SETBP1: variants seen among roughly 807,000 people sequenced by gnomAD.
SETBP1 encodes the protein SET binding protein 1, also known as SET-binding protein.
A neutral mutation model predicts 101.0 loss-of-function variants in SETBP1; 9 were observed. The ratio of observed to expected loss-of-function variants is 0.09; its 90% CI spans 0.05 to 0.16. The LOEUF is 0.16. Among genes scored for constraint, SETBP1 ranks in the 10% least tolerant of loss-of-function variants. The pLI is 1.00. For missense variants in SETBP1, 1,858 were observed against 2,033.8 expected (o/e 0.91, Z 1.66); for synonymous variants, 818 against 788.5 (o/e 1.04, Z -0.63).
At chr18:44,764,535 C>T (rs1227319124) in intron 2 of SETBP1, among the ~76,000 whole-genome samples, 2 of 151,974 alleles carry the variant, frequency 1.3e-5, no homozygotes, top group Non-Finnish European at 2.9e-5. Flanking sequence ...TGCAGTGGTG[C>T]GATCTCGGCT....
At chr18:44,958,019 C>A (rs2071529159) in intron 4 of SETBP1, among the ~76,000 whole-genome samples, 1 of 152,204 alleles carries the variant, frequency 6.6e-6, no homozygotes, top group Non-Finnish European at 1.5e-5. Context: ...CTGTCCAAAT[C>A]TTATCTCTCA....
chr18:45,022,494 T>C (rs917475215), intron 4 of SETBP1, among the ~76,000 whole-genome samples: 3 of 152,190 alleles, frequency 2.0e-5, no homozygotes, highest in African/African-American at 7.2e-5. Context: ...TAGTCATGGC[T>C]CTTACACCTG....
intron 4 of SETBP1, among the ~76,000 whole-genome samples, chr18:44,972,430 G>T (rs1172750442): frequency 6.6e-6 from 1 of 152,184 alleles, no homozygotes; most frequent in Non-Finnish European, 1.5e-5. Context: ...TTGGTAGCTT[G>T]AGGAGGATGG....
At chr18:44,736,251 C>T (rs1444883577) in intron 2 of SETBP1, among the ~76,000 whole-genome samples, 6 of 152,134 alleles carry the variant, frequency 3.9e-5, no homozygotes, top group South Asian at 2.1e-4. Flanking sequence ...TGGTGGTGCA[C>T]GTCTGTCATC....
chr18:44,757,217 T>A (rs533148870), intron 2 of SETBP1, among the ~76,000 whole-genome samples: 1 of 152,306 alleles, frequency 6.6e-6, no homozygotes, highest in South Asian at 2.1e-4. Context: ...CCACTCCCCC[T>A]CTGCCCTGAA....
intron 3 of SETBP1, among the ~76,000 whole-genome samples, chr18:44,886,569 G>C (rs2069652876): frequency 6.6e-6 from 1 of 151,856 alleles, no homozygotes; most frequent in African/African-American, 2.4e-5. Context: ...AAAAAGCAAT[G>C]TTTAAAATTT....
At chr18:44,836,908 T>TAGGGATG (rs2072508184) in intron 2 of SETBP1, among the ~76,000 whole-genome samples, 1 of 152,226 alleles carries the variant, frequency 6.6e-6, no homozygotes, top group African/African-American at 2.4e-5. Context: ...TGGGGCCCTG[T>TAGGGATG]CACTTACATC....
intron 4 of SETBP1, among the ~76,000 whole-genome samples, chr18:45,036,046 A>C (rs1210804149): frequency 6.6e-6 from 1 of 152,218 alleles, no homozygotes; most frequent in African/African-American, 2.4e-5. Context: ...AAGAAGGCTA[A>C]GAAGTGGCCA....
intron 2 of SETBP1, among the ~76,000 whole-genome samples, chr18:44,779,934 GCACA>G (rs573738760): frequency 8.7e-5 from 13 of 150,218 alleles, no homozygotes; most frequent in African/African-American, 2.0e-4. Flanking sequence ...ACACACGCAC[GCACA>G]CACACACGCA....
chr18:44,685,642 T>C (rs543398092), intron 1 of SETBP1, among the ~76,000 whole-genome samples: 8 of 152,334 alleles, frequency 5.3e-5, no homozygotes, highest in Non-Finnish European at 1.2e-4. Context: ...TTACCCTGCC[T>C]ACTTCACGGG....
intron 3 of SETBP1, among the ~76,000 whole-genome samples, chr18:44,892,124 G>C (rs1445535014): frequency 1.3e-5 from 2 of 152,150 alleles, no homozygotes; most frequent in Non-Finnish European, 2.9e-5. Flanking sequence ...GGGCATGAGA[G>C]GAGGAGTGAG....
At chr18:44,698,542 C>G (rs750111329) in intron 1 of SETBP1, among the ~76,000 whole-genome samples, 10 of 152,280 alleles carry the variant, frequency 6.6e-5, no homozygotes, top group Admixed American at 2.6e-4. Context: ...AGGACGTGGC[C>G]TCACGTCTTC....
At chr18:44,826,757 G>A (rs1210527901) in intron 2 of SETBP1, among the ~76,000 whole-genome samples, 6 of 152,162 alleles carry the variant, frequency 3.9e-5, no homozygotes, top group African/African-American at 1.4e-4. Flanking sequence ...AAGGAGCTGC[G>A]GGTGGGGAGG....
intron 3 of SETBP1, among the ~76,000 whole-genome samples, chr18:44,881,945 C>T (rs1159332670): frequency 6.6e-6 from 1 of 152,112 alleles, no homozygotes; most frequent in Non-Finnish European, 1.5e-5. Context: ...GTTGGAGTGT[C>T]GGACGGATAA....
chr18:45,056,291 G>A (rs1332744095), intron 5 of SETBP1, among the ~76,000 whole-genome samples: 1 of 152,090 alleles, frequency 6.6e-6, no homozygotes, highest in Non-Finnish European at 1.5e-5. Context: ...CGTGTGGGCT[G>A]GCCTGCTACA....
chr18:45,057,352 A>C (rs1043423843), intron 5 of SETBP1, among the ~76,000 whole-genome samples: 3 of 152,070 alleles, frequency 2.0e-5, no homozygotes, highest in African/African-American at 7.2e-5. Context: ...ACCATTACCA[A>C]GGCAAGCAGA....
At chr18:44,813,648 G>A (rs888502395) in intron 2 of SETBP1, among the ~76,000 whole-genome samples, 1 of 152,172 alleles carries the variant, frequency 6.6e-6, no homozygotes, top group African/African-American at 2.4e-5. Flanking sequence ...AACTTACGCA[G>A]CTTTTGCCTT....
intron 3 of SETBP1, among the ~76,000 whole-genome samples, chr18:44,941,395 A>G (rs557946074): frequency 6.6e-6 from 1 of 152,166 alleles, no homozygotes; most frequent in South Asian, 2.1e-4. Flanking sequence ...TTGCACCCCT[A>G]TAAATAATCT....
intron 4 of SETBP1, among the ~76,000 whole-genome samples, chr18:44,997,504 C>G (rs1223996289): frequency 6.6e-6 from 1 of 152,156 alleles, no homozygotes; most frequent in African/African-American, 2.4e-5. Flanking sequence ...AAAACAGTTT[C>G]CCCTTAGGTA....
Sources: gnomAD v4.1 joint callset for allele counts (sites outside exome capture counted in the v4.1 genomes callset) on GRCh38, gnomAD v4.1.1 for gene constraint, MANE v1.5 for transcripts, NCBI Gene and HGNC (gene_info 2026-07-23, HGNC 2026-07-21) for gene names.